Variants in KCNH7 observed in about 807,000 individuals in gnomAD.
KCNH7 encodes the protein voltage-gated inwardly rectifying potassium channel KCNH7.
KCNH7 carries 49 observed loss-of-function variants against 120.8 expected under a neutral mutation model. The ratio of observed to expected loss-of-function variants is 0.41; its 90% CI spans 0.32 to 0.51. KCNH7 has a LOEUF of 0.51. Ranked by LOEUF, KCNH7 falls within the 20% of genes least tolerant of loss-of-function variation. The pLI, the probability that KCNH7 is intolerant of heterozygous loss-of-function variation, is 0.38. For synonymous variants in KCNH7, 547 were observed against 516.1 expected (o/e 1.06, Z -0.81); for missense variants, 1,097 against 1,446.6 (o/e 0.76, Z 3.92).
chr2:162,528,557 G>A (rs1035100663), intron 3 of KCNH7, among the ~76,000 whole-genome samples: 1 of 151,926 alleles, frequency 6.6e-6, no homozygotes, highest in African/African-American at 2.4e-5. Flanking sequence ...TAGCTTCAAG[G>A]AACCCGCACT....
chr2:162,734,635 A>T (rs898297518), intron 2 of KCNH7, among the ~76,000 whole-genome samples: 1 of 152,136 alleles, frequency 6.6e-6, no homozygotes, highest in Non-Finnish European at 1.5e-5. Context: ...TTAAACAAAA[A>T]TTGAGTGTTT....
In KCNH7 at chr2:162,625,183, C is replaced by T. The variant is rs115454390; in HGVS notation, c.308-88103G>A. On this transcript the variant is annotated intron_variant, in intron 2 of 15. Coordinates refer to ENST00000332142, the MANE Select transcript of KCNH7 (RefSeq NM_033272.4). ...AAGTGCTGGGGTTACAGGCATGAGC[C>T]ACCATGCCAAGTCAAAGTGCACTCT... 4.5e-3 allele frequency among the ~76,000 whole-genome samples: 690 copies of T among 152,160 alleles called. 7 individuals carry two copies. Among genetic ancestry groups the T allele is most frequent in the African/African-American group, 0.016 (660 of 41,522 alleles).
At chr2:162,662,477 T>C (rs902672361) in intron 2 of KCNH7, among the ~76,000 whole-genome samples, 2 of 152,184 alleles carry the variant, frequency 1.3e-5, no homozygotes, top group African/African-American at 4.8e-5. Flanking sequence ...GAAATACTAG[T>C]CAATCAATTT....
At chr2:162,791,546 T>C (rs1450341074) in intron 2 of KCNH7, among the ~76,000 whole-genome samples, 3 of 152,114 alleles carry the variant, frequency 2.0e-5, no homozygotes, top group African/African-American at 7.2e-5. Context: ...TTTGTGGCAA[T>C]TGTGAATGAG....
At chr2:162,600,091 T>C (rs1694502398) in intron 2 of KCNH7, among the ~76,000 whole-genome samples, 1 of 152,148 alleles carries the variant, frequency 6.6e-6, no homozygotes, top group African/African-American at 2.4e-5. Flanking sequence ...TGTGATGTAC[T>C]TGGCAAACTT....
chr2:162,504,577 T>C lies in KCNH7; in HGVS notation c.994A>G (p.Ile332Val). The change falls in exon 6 of 16, where the codon ATT (isoleucine) becomes GTT (valine). Residue 332 changes from isoleucine (I) to valine (V), a missense_variant. Physicochemically the swap from Ile to Val is conservative, Grantham distance 29. This residue lies in a region of KCNH7 where 362 missense variants were observed against 372.2 expected (regional missense o/e 0.97). Coordinates refer to ENST00000332142, the MANE Select transcript of KCNH7 (RefSeq NM_033272.4). ...NLNKYSTINK[I>V]PQLTLNFSEV... ...GAAAAATTCAGAGTGAGCTGTGGAA[T>C]CTTGTTAATGGTGCTGTATTTGTTG... The C allele has an allele frequency of 1.2e-6, 2 of 1,612,946 alleles. No homozygotes were observed. Among genetic ancestry groups the C allele is most frequent in the Non-Finnish European group, 1.7e-6 (2 of 1,179,184 alleles).
chr2:162,736,857 T>A (rs554645120), intron 2 of KCNH7, among the ~76,000 whole-genome samples: 20 of 152,296 alleles, frequency 1.3e-4, no homozygotes, highest in South Asian at 4.1e-4. Context: ...GCACAATGAC[T>A]AGCAATTAAA....
At chr2:162,764,182 C>T (rs1340781379) in intron 2 of KCNH7, among the ~76,000 whole-genome samples, 4 of 152,050 alleles carry the variant, frequency 2.6e-5, no homozygotes, top group African/African-American at 7.2e-5. Flanking sequence ...TGTCAGAGTA[C>T]TGCAAATCAG....
intron 2 of KCNH7, among the ~76,000 whole-genome samples, chr2:162,589,513 A>C (rs1228239591): frequency 6.6e-6 from 1 of 151,982 alleles, no homozygotes; most frequent in South Asian, 2.1e-4. Context: ...AAATTGAATA[A>C]TTTTTTAACA....
At chr2:162,670,069 C>A (rs1019210105) in intron 2 of KCNH7, among the ~76,000 whole-genome samples, 5 of 152,054 alleles carry the variant, frequency 3.3e-5, no homozygotes, top group Non-Finnish European at 7.4e-5. Context: ...CCACTGTACT[C>A]CAGCCTGGGC....
At chr2:162,484,799 C>A (rs1239936769) in intron 6 of KCNH7, among the ~76,000 whole-genome samples, 2 of 152,108 alleles carry the variant, frequency 1.3e-5, no homozygotes, top group African/African-American at 4.8e-5. Flanking sequence ...AAGATCCTGG[C>A]ACCTCCCTTT....
chr2:162,550,056 C>A (rs1204387119), intron 2 of KCNH7, among the ~76,000 whole-genome samples: 2 of 152,122 alleles, frequency 1.3e-5, no homozygotes, highest in African/African-American at 4.8e-5. Context: ...CAAGTTGCAT[C>A]TTAATGGGGA....
At chr2:162,832,875 T>C (rs1372626097) in intron 2 of KCNH7, among the ~76,000 whole-genome samples, 1 of 152,140 alleles carries the variant, frequency 6.6e-6, no homozygotes, top group Non-Finnish European at 1.5e-5. Flanking sequence ...CCTCTGAAAC[T>C]TTCTACTGAT....
chr2:162,826,955 A>G (rs1685307367), intron 2 of KCNH7, among the ~76,000 whole-genome samples: 1 of 152,084 alleles, frequency 6.6e-6, no homozygotes, highest in Non-Finnish European at 1.5e-5. Flanking sequence ...GAATTTGCTT[A>G]AAAGTGGAGG....
chr2:162,568,790 A>AT (rs1693353644), intron 2 of KCNH7, among the ~76,000 whole-genome samples: 1 of 151,998 alleles, frequency 6.6e-6, no homozygotes, highest in Non-Finnish European at 1.5e-5. Flanking sequence ...GTAACTTCAT[A>AT]TTTTTTCTCA....
intron 2 of KCNH7, among the ~76,000 whole-genome samples, chr2:162,672,307 A>G (rs1685387701): frequency 2.0e-5 from 3 of 152,076 alleles, no homozygotes; most frequent in Non-Finnish European, 4.4e-5. Context: ...TATGTACACC[A>G]TATTTTCTGA....
At chr2:162,373,976 C>T (rs997500615) in intron 14 of KCNH7, among the ~76,000 whole-genome samples, 1 of 152,100 alleles carries the variant, frequency 6.6e-6, no homozygotes, top group African/African-American at 2.4e-5. Flanking sequence ...TATTTTTAAT[C>T]AGTAATTGTC....
chr2:162,609,526 A>G (rs755275994), intron 2 of KCNH7, among the ~76,000 whole-genome samples: 1 of 152,136 alleles, frequency 6.6e-6, no homozygotes, highest in East Asian at 1.9e-4. Context: ...GAGGGCCCTC[A>G]GAGATCATTT....
At chr2:162,783,434 AC>A (rs1683578532) in intron 2 of KCNH7, among the ~76,000 whole-genome samples, 1 of 152,202 alleles carries the variant, frequency 6.6e-6, no homozygotes, top group Admixed American at 6.5e-5. Flanking sequence ...AAATTGGAAA[AC>A]AAACTTACAT....
Sources: gnomAD v4.1 joint callset for allele counts (sites outside exome capture counted in the v4.1 genomes callset) on GRCh38, gnomAD v4.1.1 for gene constraint, gnomAD v4.1.1 regional missense constraint, MANE v1.5 for transcripts, NCBI Gene and HGNC (gene_info 2026-07-23, HGNC 2026-07-21) for gene names.